LCN15: variants seen among roughly 807,000 people sequenced by gnomAD.
LCN15 encodes lipocalin-15.
LCN15 carries 26 observed loss-of-function variants against 23.1 expected under a neutral mutation model. The observed-to-expected ratio is 1.13, with a 90% confidence interval of 0.82 to 1.56. The LOEUF (loss-of-function observed/expected upper bound fraction) is 1.56, where lower values mean the gene tolerates loss of function less well. LCN15 is among the 40% of genes most tolerant of loss of function. LCN15 has a pLI of 0.00. For missense variants in LCN15, 241 were observed against 239.5 expected (o/e 1.01, Z -0.04); for synonymous variants, 107 against 98.3 (o/e 1.09, Z -0.52).
rs530782323 is a variant in LCN15 at position 136,761,394 on chromosome 9, G to A, written c.*32+393C>T. On this transcript the variant is annotated intron_variant, in intron 6 of 6. Transcript: ENST00000316144. The surrounding 1 kb of genome is among the most constrained non-coding windows in gnomAD (Gnocchi z 4.2). ...TCCTGCCTCAGCCTCACAAGTAGCT[G>A]AGATTACAGGTGTGCACCACCACGC... is the stretch of plus-strand genomic sequence containing the variant. Among the ~76,000 whole-genome samples, 25 of 152,328 alleles carry A rather than the reference G, an allele frequency of 1.6e-4. No homozygotes were observed. The highest frequency in any genetic ancestry group is 6.0e-4 in the African/African-American group (25 of 41,574).
rs747472985 is a variant in LCN15 at position 136,763,981 on chromosome 9, A to G, written c.125T>C (p.Met42Thr). The G allele has an allele frequency of 6.4e-5, 103 of 1,613,214 alleles. No homozygotes were observed. Among genetic ancestry groups the G allele is most frequent in the Admixed American group, 1.7e-4 (10 of 59,998 alleles). ...CAGGAAGACCCTGCAGTCAGATGCC[A>G]TGGAGACCACGTACCAGAGGCCTGA... is the stretch of plus-strand genomic sequence containing the variant. ...KFSGLWYVVS[M>T]ASDCRVFLGK... is the part of the protein sequence containing the mutation. Residue 42 changes from methionine (M) to threonine (T), a missense_variant, in exon 2 of 7, where the codon ATG becomes ACG. By Grantham distance (81) the Met-to-Thr change is moderately conservative. Coordinates refer to ENST00000316144, the MANE Select transcript of LCN15 (RefSeq NM_203347.2).
At position 136,763,739 on chromosome 9, in the gene LCN15, C is replaced by A. The variant is rs1182709672; in HGVS notation, c.281G>T (p.Gly94Val). Residue 94 changes from glycine (G) to valine (V), a missense_variant, in exon 3 of 7, where the codon GGC becomes GTC. Coordinates refer to ENST00000316144, the MANE Select transcript of LCN15 (RefSeq NM_203347.2). Reference protein sequence around the residue: ...NQVDAEYLKVGSEGHFRVPAL... With the variant: ...NQVDAEYLKVVSEGHFRVPAL... ...CGGGACTCTGAAGTGTCCCTCGGAGCCCACCTTCAGGTACTCGGCATCCAC... is the reference window on the plus strand; with the variant it reads ...CGGGACTCTGAAGTGTCCCTCGGAGACCACCTTCAGGTACTCGGCATCCAC... The A allele has an allele frequency of 1.2e-6, 2 of 1,613,432 alleles. No homozygotes were observed. The highest frequency in any genetic ancestry group is 3.3e-5 in the Admixed American group (2 of 60,014).
At chr9:136,762,922 TAA>T (rs564732610) in intron 4 of LCN15, among the ~76,000 whole-genome samples, 3 of 104,886 alleles carry the variant, frequency 2.9e-5, no homozygotes, top group Admixed American at 1.1e-4. Flanking sequence ...GACTCCATAT[TAA>T]AAAAAAAAAA....
intron 6 of LCN15, among the ~76,000 whole-genome samples, chr9:136,760,019 G>A (rs1168075547): frequency 1.3e-5 from 2 of 152,218 alleles, no homozygotes; most frequent in African/African-American, 4.8e-5. Flanking sequence ...CTTCCCCGGC[G>A]CGGGAGGACC....
chr9:136,763,467 G>T lies in LCN15; in HGVS notation c.308C>A (p.Ala103Asp). The change falls in exon 4 of 7, where the codon GCC becomes GAC. Residue 103 changes from alanine (A) to aspartate (D), a missense_variant and splice_region_variant. Transcript: ENST00000316144. ...VGSEGHFRVPALGYLDVRIVD... is the reference protein window; with the variant it reads ...VGSEGHFRVPDLGYLDVRIVD... ...GATGCGCACGTCCAGGTAGCCCAAG[G>T]CTGCGGAGAGGCAGGCGGCCTTTTC... 6.3e-7 allele frequency: 1 copy of T among 1,597,316 alleles called. No individual in the cohort carries two copies.
At chr9:136,763,583 G>C in intron 3 of LCN15, 116 bp from the exon 4 acceptor site, 1 of 1,242,334 alleles carries the variant, frequency 8.0e-7, no homozygotes, top group Non-Finnish European at 1.1e-6. Context: ...AGACAGAGGA[G>C]GGGCGGGGAG....
At chr9:136,762,061 C>T (rs2131099190) in intron 5 of LCN15, 127 bp downstream of exon 5, 2 of 760,948 alleles carry the variant, frequency 2.6e-6, no homozygotes, top group East Asian at 2.9e-5. Flanking sequence ...GCTGCCAGCC[C>T]ACCCCTGGAA....
chr9:136,763,154 G>C (rs1007066204), intron 4 of LCN15, among the ~76,000 whole-genome samples: 1 of 151,620 alleles, frequency 6.6e-6, no homozygotes, highest in Non-Finnish European at 1.5e-5. Flanking sequence ...AGAGGGCATG[G>C]GGCAGCACCA....
At chr9:136,762,438 C>A in intron 4 of LCN15, 149 bp from the exon 5 acceptor site, 1 of 634,480 alleles carries the variant, frequency 1.6e-6, no homozygotes, top group Admixed American at 3.2e-5. Context: ...TCCTGCCTGG[C>A]TGAAGGAAAC....
In LCN15 at chr9:136,761,920, A is replaced by G. The variant is rs953949043; in HGVS notation, c.521-67T>C. On this transcript the variant is annotated intron_variant, in intron 5 of 6. Coordinates refer to ENST00000316144, the MANE Select transcript of LCN15 (RefSeq NM_203347.2). The surrounding 1 kb of genome is among the most constrained non-coding windows in gnomAD (Gnocchi z 4.2). ...CCGCCCTCGCTTCCCGCAGCCCCCA[A>G]CCCCTGGGTGCCAAGGGCCACTGGA... 3.2e-6 allele frequency: 4 copies of G among 1,261,508 alleles called. No homozygotes were observed. In the African/African-American group the frequency reaches 4.7e-5, roughly 15 times the overall value. The allele number at this position is 1,261,508 out of a possible 1,614,324, so 78.1% of individuals were successfully genotyped here.
intron 6 of LCN15, among the ~76,000 whole-genome samples, chr9:136,760,486 G>A (rs1411582177): frequency 6.6e-6 from 1 of 152,254 alleles, no homozygotes; most frequent in Non-Finnish European, 1.5e-5. Context: ...AAACAGCCCC[G>A]CCTCAGAGCC....
intron 1 of LCN15, 58 bp from the exon 2 acceptor site, chr9:136,764,067 C>T: frequency 1.3e-6 from 2 of 1,587,238 alleles, no homozygotes; most frequent in South Asian, 1.1e-5. Flanking sequence ...CCCTCCTTGC[C>T]CAGGGACCCA....
rs557767242 is a variant in LCN15, at chr9:136,761,131, G to A, written c.*32+656C>T. Among the ~76,000 whole-genome samples the A allele has an allele frequency of 2.6e-5, 4 of 152,296 alleles. No individual in the cohort carries two copies. The highest frequency in any genetic ancestry group is 3.9e-4 in the East Asian group (2 of 5,176). ...AGGCCAAGAAATGCCCAGGACAAGC[G>A]GCAGCCGTGGGAGCTGGGGGGGCGG... On this transcript the variant is annotated intron_variant, in intron 6 of 6. Transcript: ENST00000316144. The surrounding 1 kb of genome is among the most constrained non-coding windows in gnomAD (Gnocchi z 4.2).
rs201922972 is a variant in LCN15 at position 136,763,421 on chromosome 9, G to A, written c.354C>T (p.Ser118=). The A allele has an allele frequency of 9.1e-5, 146 of 1,610,132 alleles. No homozygotes were observed. The highest frequency in any genetic ancestry group is 1.2e-4 in the Non-Finnish European group (140 of 1,178,702). Residue 118 remains serine, a synonymous_variant, in exon 4 of 7, where the codon TCC becomes TCT. Transcript: ENST00000316144. The stretch of plus-strand genomic sequence containing the variant: ...CCTTGTAGATGTAAAGGACGGCGAA[G>A]GAGCTGTAGTCTGTGTCCACGATGC... ...DVRIVDTDYS[S]FAVLYIYKEL...
At chr9:136,764,071 G>A in intron 1 of LCN15, 62 bp from the exon 2 acceptor site, 6 of 1,582,916 alleles carry the variant, frequency 3.8e-6, no homozygotes, top group Non-Finnish European at 3.4e-6. Flanking sequence ...CCTTGCCCAG[G>A]GACCCAGGGG....
At chr9:136,762,030 G>A (rs538570624) in intron 5 of LCN15, among the ~76,000 whole-genome samples, 158 bp downstream of exon 5, 22 of 152,300 alleles carry the variant, frequency 1.4e-4, no homozygotes, top group African/African-American at 3.4e-4. Context: ...TTCTGGGGGA[G>A]GTGGGGTAGG....
intron 4 of LCN15, 78 bp downstream of exon 4, chr9:136,763,279 G>A (rs546347896): frequency 5.2e-6 from 4 of 767,988 alleles, no homozygotes; most frequent in South Asian, 4.0e-5. Context: ...CGGGCGGGGC[G>A]GGGGTAGGCA....
In LCN15 at chr9:136,763,913, G is replaced by T. The variant is rs752388319; in HGVS notation, c.193C>A (p.Pro65Thr). Residue 65 changes from proline to threonine, a missense_variant, in exon 2 of 7, where the codon CCC becomes ACC. Physicochemically the swap from Pro to Thr is conservative, Grantham distance 38. Transcript: ENST00000316144. Reference sequence around the variant, plus strand: ...ACGTGGAGGCCGCCCTCCTCTGTGGGCCTGATGGCCCTGGTGGACATGGAC... The same window carrying T: ...ACGTGGAGGCCGCCCTCCTCTGTGGTCCTGATGGCCCTGGTGGACATGGAC... Reference protein sequence around the residue: ...HLSMSTRAIRPTEEGGLHVHM... With the variant: ...HLSMSTRAIRTTEEGGLHVHM... 58 of 1,613,592 alleles carry T rather than the reference G, an allele frequency of 3.6e-5. No individual in the cohort carries two copies. The Admixed American group carries it at 9.7e-4, about 27-fold the overall frequency.
At chr9:136,762,348 T>G in intron 4 of LCN15, 59 bp from the exon 5 acceptor site, 52 of 989,248 alleles carry the variant, frequency 5.3e-5, no homozygotes, top group Non-Finnish European at 7.3e-5. Flanking sequence ...GCACGGGGTC[T>G]CCTGGCCTCA....
Sources: gnomAD v4.1 joint callset for allele counts (sites outside exome capture counted in the v4.1 genomes callset) on GRCh38, gnomAD v4.1.1 for gene constraint, Gnocchi (gnomAD v3.1) non-coding constraint, MANE v1.5 for transcripts, NCBI Gene and HGNC (gene_info 2026-07-23, HGNC 2026-07-21) for gene names.